PTPRK: variants seen among roughly 807,000 people sequenced by gnomAD.
The protein encoded by PTPRK is protein tyrosine phosphatase receptor type K, also known as receptor-type tyrosine-protein phosphatase kappa.
Under a neutral mutation model 178.0 loss-of-function variants are expected in PTPRK, and 75 were observed. The ratio of observed to expected loss-of-function variants is 0.42; its 90% CI spans 0.35 to 0.51. PTPRK has a LOEUF of 0.51. PTPRK is among the 20% of genes least tolerant of loss of function. The pLI is 0.02. For synonymous variants in PTPRK, 637 were observed against 620.6 expected, an observed-to-expected ratio of 1.03 and a Z score of -0.39; for missense variants, 1,441 against 1,797.8, an observed-to-expected ratio of 0.80 and a Z score of 3.59.
chr6:128,004,917 G>A (rs1474661333), intron 15 of PTPRK, 167 bp downstream of exon 15: 1 of 609,532 alleles, frequency 1.6e-6, no homozygotes, highest in African/African-American at 1.9e-5. Context: ...CAATCTTGAT[G>A]AGAATCCTTC....
chr6:128,150,640 TATA>T (rs774564213), intron 7 of PTPRK, among the ~76,000 whole-genome samples: 1 of 152,124 alleles, frequency 6.6e-6, no homozygotes, highest in Admixed American at 6.6e-5. Context: ...TGTGCCCTGT[TATA>T]ATATTATATA....
At chr6:128,197,243 T>C (rs1403889350) in intron 6 of PTPRK, among the ~76,000 whole-genome samples, 3 of 149,586 alleles carry the variant, frequency 2.0e-5, no homozygotes, top group African/African-American at 7.4e-5. Flanking sequence ...GTGCAGAACA[T>C]GCAGGTTTGT....
intron 2 of PTPRK, among the ~76,000 whole-genome samples, chr6:128,389,772 C>A (rs1049152978): frequency 4.0e-5 from 6 of 151,452 alleles, no homozygotes; most frequent in African/African-American, 1.5e-4. Context: ...TATTCTTTTC[C>A]CCTGAAATAT....
At chr6:128,358,628 T>C (rs534969425) in intron 2 of PTPRK, among the ~76,000 whole-genome samples, 1 of 152,328 alleles carries the variant, frequency 6.6e-6, no homozygotes, top group South Asian at 2.1e-4. Flanking sequence ...AATAACTCAA[T>C]AATGCAGTGC....
Position 128,014,933 on chromosome 6 carries a change from T to C in PTPRK, c.2195-5665A>G, listed in dbSNP as rs1359439577. 2.0e-5 allele frequency among the ~76,000 whole-genome samples: 3 copies of C among 151,840 alleles called. No homozygotes were observed. The East Asian group carries it at 5.8e-4, about 29-fold the overall frequency. On this transcript the variant is annotated intron_variant, in intron 13 of 29. Transcript: ENST00000368226. ...CTGGTGAGAAAAGAGAGCAGCTAAATGCCACGTGCTTTAACAGTAGTTGGA... is the reference window on the plus strand; with the variant it reads ...CTGGTGAGAAAAGAGAGCAGCTAAACGCCACGTGCTTTAACAGTAGTTGGA...
chr6:128,249,885 G>T (rs181370951), intron 3 of PTPRK, among the ~76,000 whole-genome samples: 2 of 152,274 alleles, frequency 1.3e-5, no homozygotes, highest in East Asian at 3.9e-4. Context: ...GATATGGTTT[G>T]GCTGCGCCCC....
At chr6:127,985,979 T>A in intron 21 of PTPRK, 104 bp from the exon 22 acceptor site, 1 of 1,120,876 alleles carries the variant, frequency 8.9e-7, no homozygotes, top group South Asian at 2.2e-5. Flanking sequence ...ATGATAACAA[T>A]AAAACCTTTA....
intron 1 of PTPRK, among the ~76,000 whole-genome samples, chr6:128,518,625 C>T (rs762429958): frequency 6.6e-6 from 1 of 152,198 alleles, no homozygotes; most frequent in Non-Finnish European, 1.5e-5. Flanking sequence ...AACTTGCCTG[C>T]ATATAATGAG....
At chr6:128,035,237 G>A (rs1776014216) in intron 13 of PTPRK, among the ~76,000 whole-genome samples, 1 of 152,092 alleles carries the variant, frequency 6.6e-6, no homozygotes, top group Non-Finnish European at 1.5e-5. Context: ...GTTGTAGCAA[G>A]TGCCTGTAAT....
rs1776742951 is a variant in PTPRK, at chr6:127,992,674, T to C, written c.2880A>G (p.Gln960=). Residue 960 remains glutamine, a splice_region_variant and synonymous_variant, in exon 19 of 30, where the codon CAA becomes CAG. Coordinates refer to ENST00000368226, the MANE Select transcript of PTPRK (RefSeq NM_002844.4). ...ACATTTAACAAGGCAAAGTTTTACC[T>C]TGGGTTGCAATGTAATGACTTGGTC... is the stretch of plus-strand genomic sequence containing the variant. The part of the protein sequence containing the change: ...YQRPSHYIAT[Q]GPVHETVYDF... The C allele has an allele frequency of 6.9e-6, 11 of 1,591,044 alleles. No homozygotes were observed. The highest frequency in any genetic ancestry group is 9.4e-6 in the Non-Finnish European group (11 of 1,170,282).
At chr6:128,223,750 T>C (rs1183268568) in intron 5 of PTPRK, among the ~76,000 whole-genome samples, 4 of 152,168 alleles carry the variant, frequency 2.6e-5, no homozygotes, top group Non-Finnish European at 4.4e-5. Context: ...TACAGTCATA[T>C]CCAATTAAAG....
intron 1 of PTPRK, among the ~76,000 whole-genome samples, chr6:128,422,701 A>C (rs1584643598): frequency 6.7e-6 from 1 of 150,210 alleles, no homozygotes; most frequent in East Asian, 1.9e-4. Context: ...AAAAAAAAAA[A>C]AAACCTGAGC....
chr6:128,234,801 T>C (rs1812928130), intron 5 of PTPRK, among the ~76,000 whole-genome samples: 1 of 152,228 alleles, frequency 6.6e-6, no homozygotes, highest in African/African-American at 2.4e-5. Context: ...TACAAGTCTT[T>C]TTGTGGGCAC....
chr6:127,991,938 T>G (rs1776656105), intron 19 of PTPRK, among the ~76,000 whole-genome samples: 1 of 151,788 alleles, frequency 6.6e-6, no homozygotes, highest in African/African-American at 2.4e-5. Context: ...TCTTTCTAAC[T>G]TTAAAGAGTA....
At chr6:128,200,627 G>T (rs1805724224) in intron 6 of PTPRK, among the ~76,000 whole-genome samples, 1 of 151,454 alleles carries the variant, frequency 6.6e-6, no homozygotes, top group Non-Finnish European at 1.5e-5. Context: ...TTAGCTACTT[G>T]GGAGGCTGAG....
chr6:128,307,862 A>G (rs72967056), intron 3 of PTPRK, among the ~76,000 whole-genome samples: 12,173 of 152,248 alleles, frequency 0.08, 567 homozygotes, highest in African/African-American at 0.12. Context: ...TGGAATGCCA[A>G]TTGTTCAGTC....
intron 2 of PTPRK, among the ~76,000 whole-genome samples, chr6:128,365,638 A>G (rs1835376667): frequency 6.6e-6 from 1 of 152,102 alleles, no homozygotes; most frequent in Non-Finnish European, 1.5e-5. Context: ...TAATGATAGC[A>G]TTTTGAGCTG....
intron 1 of PTPRK, among the ~76,000 whole-genome samples, chr6:128,467,065 C>T (rs1474881530): frequency 6.6e-6 from 1 of 152,146 alleles, no homozygotes; most frequent in Non-Finnish European, 1.5e-5. Context: ...TGCAGTGGCA[C>T]AGTCACAGCT....
At chr6:128,380,477 T>G (rs2128355758) in intron 2 of PTPRK, among the ~76,000 whole-genome samples, 2 of 151,782 alleles carry the variant, frequency 1.3e-5, no homozygotes, top group South Asian at 2.1e-4. Flanking sequence ...TCTGCGTGAT[T>G]ATTCTGATAT....
Sources: allele counts gnomAD v4.1 joint callset (sites outside exome capture counted in the v4.1 genomes callset), GRCh38; gene constraint gnomAD v4.1.1; transcripts MANE v1.5; gene names NCBI Gene and HGNC (gene_info 2026-07-23, HGNC 2026-07-21).